The following XKR6 variants were observed in gnomAD, a reference collection of about 807,000 sequenced individuals.
XKR6 encodes XK-related protein 6.
Under a neutral mutation model 56.7 loss-of-function variants are expected in XKR6, and 22 were observed. The ratio of observed to expected loss-of-function variants is 0.39; its 90% CI spans 0.28 to 0.55. XKR6 has a LOEUF of 0.55. Ranked by LOEUF, XKR6 falls within the 20% of genes least tolerant of loss-of-function variation. The pLI, the probability that XKR6 is intolerant of heterozygous loss-of-function variation, is 0.66. For synonymous variants in XKR6, 524 were observed against 387.8 expected (o/e 1.35, Z -4.13); for missense variants, 852 against 889.0 (o/e 0.96, Z 0.53).
intron 1 of XKR6, among the ~76,000 whole-genome samples, chr8:11,157,207 C>T (rs1445198031): frequency 1.3e-5 from 2 of 152,126 alleles, no homozygotes; most frequent in African/African-American, 2.4e-5. Context: ...ACTGTTGCAG[C>T]GCAGAGGAGA....
chr8:10,964,935 A>C (rs1008950919), intron 1 of XKR6, among the ~76,000 whole-genome samples: 3 of 152,218 alleles, frequency 2.0e-5, no homozygotes, highest in Admixed American at 1.3e-4. Flanking sequence ...TTAAACCCAG[A>C]ATCCACATCC....
rs373585629 is a variant in XKR6 at position 10,900,857 on chromosome 8, C to CCTTTT, written c.962-1942_962-1941insAAAAG. ...TGGAGGGCAGAGGATGTGCAATTAC[C>CCTTTT]TTTTTTTTTTTTTTTGAGACAGGGT... On this transcript the variant is annotated intron_variant, in intron 2 of 2. Coordinates refer to ENST00000416569, the MANE Select transcript of XKR6 (RefSeq NM_173683.4). Among the ~76,000 whole-genome samples, 4 of 114,372 alleles carry CCTTTT rather than the reference C, an allele frequency of 3.5e-5. 1 individual carries two copies. The highest frequency in any genetic ancestry group is 7.0e-5 in the African/African-American group (2 of 28,632). The allele number at this position is 114,372 out of a possible 152,430, so 75.0% of individuals were successfully genotyped here. A position where few individuals can be genotyped will look rare whatever the true frequency, so the allele number is the denominator to read the frequency against.
chr8:11,035,268 C>T (rs375021170), intron 1 of XKR6: 8 of 534,638 alleles, frequency 1.5e-5, no homozygotes, highest in Non-Finnish European at 2.7e-5. Context: ...CTCACACCAT[C>T]GGGATCACCG....
chr8:10,907,463 A>G (rs1223156664), intron 2 of XKR6, among the ~76,000 whole-genome samples: 2 of 152,230 alleles, frequency 1.3e-5, no homozygotes, highest in African/African-American at 4.8e-5. Flanking sequence ...TAGGCACTGC[A>G]CATAACTCAA....
chr8:10,954,514 C>T (rs779828212), intron 1 of XKR6, among the ~76,000 whole-genome samples: 18 of 152,144 alleles, frequency 1.2e-4, no homozygotes, highest in Non-Finnish European at 2.1e-4. Flanking sequence ...TGGGTTTTCT[C>T]TTTATTATTG....
intron 1 of XKR6, among the ~76,000 whole-genome samples, chr8:11,118,145 G>C (rs1238840002): frequency 6.6e-6 from 1 of 152,066 alleles, no homozygotes; most frequent in Non-Finnish European, 1.5e-5. Context: ...TTTGTACGAG[G>C]ACATTGTTTA....
intron 1 of XKR6, among the ~76,000 whole-genome samples, chr8:10,982,717 G>A (rs762642769): frequency 1.3e-5 from 2 of 152,182 alleles, no homozygotes; most frequent in Non-Finnish European, 2.9e-5. Flanking sequence ...AGCATTAGAG[G>A]CCCTGGCGTT....
chr8:11,033,385 A>G (rs1336114470), intron 1 of XKR6, among the ~76,000 whole-genome samples: 3 of 150,426 alleles, frequency 2.0e-5, no homozygotes, highest in East Asian at 3.9e-4. Context: ...GGTGGTGGTG[A>G]TGATGATGAT....
chr8:11,119,350 T>C (rs950582104), intron 1 of XKR6, among the ~76,000 whole-genome samples: 3 of 152,220 alleles, frequency 2.0e-5, no homozygotes, highest in Non-Finnish European at 4.4e-5. Flanking sequence ...TTGAGTTCAA[T>C]TCCTGGATAG....
intron 1 of XKR6, among the ~76,000 whole-genome samples, chr8:11,022,383 G>A (rs1459941213): frequency 6.6e-6 from 1 of 152,104 alleles, no homozygotes; most frequent in East Asian, 1.9e-4. Context: ...TGCTCTACCT[G>A]CAGCGACCCA....
chr8:11,112,225 G>A (rs1006721891), intron 1 of XKR6, among the ~76,000 whole-genome samples: 65 of 152,158 alleles, frequency 4.3e-4, no homozygotes, highest in African/African-American at 1.5e-3. Context: ...CATGGTGACA[G>A]ACATTCAGAT....
At chr8:11,096,856 C>T (rs1030724851) in intron 1 of XKR6, among the ~76,000 whole-genome samples, 1 of 152,210 alleles carries the variant, frequency 6.6e-6, no homozygotes, top group African/African-American at 2.4e-5. Context: ...ATACTCAAGA[C>T]CTCACTGAAT....
chr8:10,908,378 C>CAT (rs59605171), intron 2 of XKR6, among the ~76,000 whole-genome samples: 2,043 of 149,360 alleles, frequency 0.014, 21 homozygotes, highest in African/African-American at 0.024. Flanking sequence ...CTGCCATAAA[C>CAT]ATATATATAT....
intron 1 of XKR6, among the ~76,000 whole-genome samples, chr8:11,085,439 G>A (rs1158132194): frequency 6.6e-6 from 1 of 151,096 alleles, no homozygotes; most frequent in Non-Finnish European, 1.5e-5. Context: ...AGGTGAAAGA[G>A]GTGTGTGTGT....
At chr8:11,111,651 A>G (rs1554461064) in intron 1 of XKR6, 1 of 152,208 alleles carries the variant, frequency 6.6e-6, no homozygotes, top group Admixed American at 6.5e-5. Flanking sequence ...CCTTCAAAAG[A>G]TAACTGTCTC....
intron 2 of XKR6, among the ~76,000 whole-genome samples, chr8:10,909,702 C>CATTT (rs1278722913): frequency 1.3e-5 from 2 of 152,298 alleles, no homozygotes; most frequent in South Asian, 2.1e-4. Flanking sequence ...TCCTTGGGAG[C>CATTT]ATTTATGCCT....
intron 1 of XKR6, among the ~76,000 whole-genome samples, chr8:10,942,432 G>C (rs1044567116): frequency 6.6e-6 from 1 of 152,212 alleles, no homozygotes; most frequent in African/African-American, 2.4e-5. Context: ...TGTGGGCGAG[G>C]TCTCTTGCCT....
intron 1 of XKR6, among the ~76,000 whole-genome samples, chr8:10,938,121 C>T (rs954710842): frequency 6.6e-6 from 1 of 152,174 alleles, no homozygotes; most frequent in Admixed American, 6.5e-5. Context: ...TTTTTTAAGC[C>T]GGTCTGAAAA....
intron 2 of XKR6, among the ~76,000 whole-genome samples, chr8:10,900,596 G>T (rs1286028677): frequency 6.6e-6 from 1 of 152,200 alleles, no homozygotes; most frequent in Non-Finnish European, 1.5e-5. Flanking sequence ...AGTTCTCCAT[G>T]GAAATCTATC....
Sources: gnomAD v4.1 joint callset for allele counts (sites outside exome capture counted in the v4.1 genomes callset) on GRCh38, gnomAD v4.1.1 for gene constraint, MANE v1.5 for transcripts, NCBI Gene and HGNC (gene_info 2026-07-23, HGNC 2026-07-21) for gene names.